The following OTOG variants were observed in gnomAD, a reference collection of about 807,000 sequenced individuals.
OTOG encodes otogelin.
OTOG carries 296 observed loss-of-function variants against 313.8 expected under a neutral mutation model. The ratio of observed to expected loss-of-function variants is 0.94; its 90% CI spans 0.86 to 1.04. The LOEUF (loss-of-function observed/expected upper bound fraction) is 1.04. OTOG is among the 50% of genes least tolerant of loss of function. The probability of loss-of-function intolerance (pLI) is 0.00; values close to 1 mark genes in which losing one functional copy is unlikely to be tolerated. For missense variants in OTOG, 3,948 were observed against 3,840.1 expected, an observed-to-expected ratio of 1.03 and a Z score of -0.74; for synonymous variants, 1,533 against 1,554.9, an observed-to-expected ratio of 0.99 and a Z score of 0.33.
intron 47 of OTOG, among the ~76,000 whole-genome samples, chr11:17,637,451 A>C (rs576574627): frequency 6.6e-6 from 1 of 152,176 alleles, no homozygotes; most frequent in Admixed American, 6.5e-5. Flanking sequence ...CCCTGCAGAG[A>C]GTTCCCGCTT....
intron 32 of OTOG, among the ~76,000 whole-genome samples, chr11:17,603,277 A>C (rs574488753): frequency 6.6e-6 from 1 of 152,284 alleles, no homozygotes; most frequent in African/African-American, 2.4e-5. Flanking sequence ...CCACCCCCAA[A>C]GACAGCACTT....
rs1280031501 is a variant in OTOG, at chr11:17,595,988, A to C, written c.3409-50A>C. 2.3e-6 allele frequency: 3 copies of C among 1,293,460 alleles called. No homozygotes were observed. The African/African-American group carries it at 4.4e-5, about 19-fold the overall frequency. 80.1% of individuals were successfully genotyped at this position (1,293,460 alleles called of 1,614,324 possible). On this transcript the variant is annotated intron_variant, in intron 28 of 55. Coordinates refer to ENST00000399397, the MANE Select transcript of OTOG (RefSeq NM_001292063.2). ...TAAAATCTGTCTGTCATGTCAGGCA[A>C]CAGGCATTTGGCAAGTAGGGAGGTC...
chr11:17,578,182 G>A (rs1852580543), intron 22 of OTOG, 191 bp from the exon 23 acceptor site: 2 of 1,293,226 alleles, frequency 1.5e-6, no homozygotes, highest in African/African-American at 1.5e-5. Flanking sequence ...GTCTTATTGT[G>A]TGACAGACAG....
intron 20 of OTOG, 40 bp from the exon 21 acceptor site, chr11:17,576,516 C>T (rs1219129162): frequency 1.3e-6 from 2 of 1,510,906 alleles, no homozygotes; most frequent in Admixed American, 3.9e-5. Flanking sequence ...GCCCTAGCTC[C>T]TGAGCCTGCT....
intron 36 of OTOG, among the ~76,000 whole-genome samples, chr11:17,611,808 G>A (rs1025546281): frequency 7.3e-6 from 1 of 136,696 alleles, no homozygotes; most frequent in African/African-American, 3.0e-5. Context: ...GTGCCTTTGT[G>A]AGAAACTGTG....
chr11:17,617,452 G>C, intron 39 of OTOG, among the ~76,000 whole-genome samples: 1 of 152,158 alleles, frequency 6.6e-6, no homozygotes, highest in Admixed American at 6.5e-5. Flanking sequence ...TTTCTCTGGG[G>C]AGATTTTAAA....
Position 17,645,951 on chromosome 11 carries a change from G to A in OTOG, c.*7G>A. On this transcript the variant is annotated 3_prime_UTR_variant, in exon 56 of 56. Transcript: ENST00000399397. ...TGCCTGCCAGTGGTCCTGAGGCCTG[G>A]GGGCCCGGGCTAGCTGGACCACCTC... 1 of 1,548,112 alleles carries A rather than the reference G, an allele frequency of 6.5e-7. No individual in the cohort carries two copies. Among genetic ancestry groups the A allele is most frequent in the East Asian group, 2.4e-5 (1 of 40,924 alleles).
chr11:17,582,192 C>T (rs1388459442), intron 23 of OTOG, among the ~76,000 whole-genome samples: 2 of 152,090 alleles, frequency 1.3e-5, no homozygotes, highest in South Asian at 4.1e-4. Context: ...CCTCATACTC[C>T]GTTGTAGTCA....
rs1565107824 is a variant in OTOG at position 17,593,291 on chromosome 11, C to G, written c.3105C>G (p.Asn1035Lys). ...AATTTATTTCCATCAACGTTGGGAA[C>G]TCACTCATTGTCTTTGATGATGACT... ...CRKFISINVG[N>K]SLIVFDDDSG... The change falls in exon 26 of 56, where the codon AAC becomes AAG. Residue 1035 changes from asparagine to lysine, a missense_variant. Transcript: ENST00000399397. 1 of 1,550,584 alleles carries G rather than the reference C, an allele frequency of 6.4e-7. No individual in the cohort carries two copies. Among genetic ancestry groups the G allele is most frequent in the Non-Finnish European group, 8.7e-7 (1 of 1,146,960 alleles).
At position 17,596,461 on chromosome 11, in the gene OTOG, A is replaced by G. The variant is rs181690674; in HGVS notation, c.3525+307A>G. ...AAGCCCTCATGCTGAGGCACCACCT[A>G]TTGCCTGTTTTGCTTCAGTGCACAC... On this transcript the variant is annotated intron_variant, in intron 29 of 55. Transcript: ENST00000399397. 2.1e-3 allele frequency among the ~76,000 whole-genome samples: 326 copies of G among 152,274 alleles called. 1 individual carries two copies. The highest frequency in any genetic ancestry group is 0.017 in the Middle Eastern group (5 of 294).
At chr11:17,592,736 T>C (rs1852979711) in intron 25 of OTOG, among the ~76,000 whole-genome samples, 1 of 152,202 alleles carries the variant, frequency 6.6e-6, no homozygotes, top group South Asian at 2.1e-4. Flanking sequence ...TCGATGGACA[T>C]TTAGGTTGTC....
chr11:17,583,669 T>G (rs1296344700), intron 23 of OTOG, among the ~76,000 whole-genome samples: 1 of 152,254 alleles, frequency 6.6e-6, no homozygotes, highest in Non-Finnish European at 1.5e-5. Context: ...TCTGTTCCAT[T>G]GATCTATTTG....
At chr11:17,579,895 G>C (rs1233616738) in intron 23 of OTOG, among the ~76,000 whole-genome samples, 1 of 152,204 alleles carries the variant, frequency 6.6e-6, no homozygotes, top group Non-Finnish European at 1.5e-5. Flanking sequence ...ATTGCGTGCT[G>C]TATCAAAGGC....
chr11:17,555,705 C>T (rs1852041625), intron 6 of OTOG, 74 bp from the exon 7 acceptor site: 4 of 1,244,670 alleles, frequency 3.2e-6, no homozygotes, highest in African/African-American at 3.0e-5. Context: ...TTAGTGAAAA[C>T]TCAATAAGGT....
At position 17,573,254 on chromosome 11, in the gene OTOG, C is replaced by A; in HGVS notation, c.2257C>A (p.Leu753Ile). 6.5e-7 allele frequency: 1 copy of A among 1,531,556 alleles called. No homozygotes were observed. The highest frequency in any genetic ancestry group is 8.7e-7 in the Non-Finnish European group (1 of 1,143,216). 94.9% of individuals were successfully genotyped at this position (1,531,556 alleles called of 1,614,324 possible). A position where few individuals can be genotyped will look rare whatever the true frequency, so the allele number is the denominator to read the frequency against. Residue 753 changes from leucine (L) to isoleucine (I), a missense_variant, in exon 19 of 56, where the codon CTC becomes ATC. Leu to Ile is a conservative substitution (Grantham distance 5). Transcript: ENST00000399397. Reference sequence around the variant, plus strand: ...CGCCCACCTGTGCCGGCGCCATGGGCTCCCCGTTGATTTCCGCGCCCGCCT... The same window carrying A: ...CGCCCACCTGTGCCGGCGCCATGGGATCCCCGTTGATTTCCGCGCCCGCCT... ...HYAHLCRRHG[L>I]PVDFRARLPA...
At chr11:17,577,120 G>A (rs1463145106) in intron 22 of OTOG, among the ~76,000 whole-genome samples, 1 of 152,246 alleles carries the variant, frequency 6.6e-6, no homozygotes, top group Non-Finnish European at 1.5e-5. Context: ...CCTAGTGGCT[G>A]TCTCTGCTGC....
chr11:17,639,876 T>G (rs1331539367), intron 49 of OTOG, among the ~76,000 whole-genome samples: 1 of 143,542 alleles, frequency 7.0e-6, no homozygotes, highest in African/African-American at 2.8e-5. Flanking sequence ...ATGGTGATGG[T>G]GGTGGTGATG....
At chr11:17,642,351 C>A in intron 53 of OTOG, 105 bp downstream of exon 53, 1 of 1,391,112 alleles carries the variant, frequency 7.2e-7, no homozygotes, top group Non-Finnish European at 9.5e-7. Flanking sequence ...GAAGGGCTCC[C>A]TGGAGCCTGT....
At position 17,553,863 on chromosome 11, in the gene OTOG, G is replaced by A. The variant is rs56189397; in HGVS notation, c.540+344G>A. ...TCAGAACTTATAGTCTAATGAAGAA[G>A]GACATCAAATCAGAGGACTCATTTC... On this transcript the variant is annotated intron_variant, in intron 6 of 55. Transcript: ENST00000399397. 5.1e-3 allele frequency among the ~76,000 whole-genome samples: 772 copies of A among 152,332 alleles called. 10 individuals are homozygous for A. Among genetic ancestry groups the A allele is most frequent in the African/African-American group, 0.017 (709 of 41,572 alleles).
Sources: gnomAD v4.1 joint callset for allele counts (sites outside exome capture counted in the v4.1 genomes callset) on GRCh38, gnomAD v4.1.1 for gene constraint, MANE v1.5 for transcripts, NCBI Gene and HGNC (gene_info 2026-07-23, HGNC 2026-07-21) for gene names.